ANKRD11: variants seen among roughly 807,000 people sequenced by gnomAD.
The protein encoded by ANKRD11 is ankyrin repeat domain-containing protein 11.
ANKRD11 carries 17 observed loss-of-function variants against 195.7 expected under a neutral mutation model. The ratio of observed to expected loss-of-function variants is 0.09; its 90% CI spans 0.06 to 0.13. The LOEUF (loss-of-function observed/expected upper bound fraction) is 0.13, where lower values mean the gene tolerates loss of function less well. Ranked by LOEUF, ANKRD11 falls within the 10% of genes least tolerant of loss-of-function variation. ANKRD11 has a pLI of 1.00. For synonymous variants in ANKRD11, 1,953 were observed against 1,528.1 expected (o/e 1.28, Z -6.49); for missense variants, 3,735 against 3,566.1 (o/e 1.05, Z -1.21).
chr16:89,330,111 G>T, intron 2 of ANKRD11, among the ~76,000 whole-genome samples: 1 of 152,170 alleles, frequency 6.6e-6, no homozygotes, highest in East Asian at 1.9e-4. Flanking sequence ...AAATATACTT[G>T]AATGACATTA....
intron 2 of ANKRD11, among the ~76,000 whole-genome samples, chr16:89,394,740 C>G (rs1253773938): frequency 1.3e-5 from 2 of 152,094 alleles, no homozygotes; most frequent in Admixed American, 6.6e-5. Flanking sequence ...TGTTTTATGA[C>G]AAAGGCTCCA....
At chr16:89,326,108 A>G (rs1266781808) in intron 2 of ANKRD11, among the ~76,000 whole-genome samples, 1 of 152,254 alleles carries the variant, frequency 6.6e-6, no homozygotes, top group Non-Finnish European at 1.5e-5. Flanking sequence ...CAAGATACAA[A>G]CTAAATGTGA....
At chr16:89,426,549 A>ACACC (rs1313745941) in intron 1 of ANKRD11, among the ~76,000 whole-genome samples, 2 of 151,726 alleles carry the variant, frequency 1.3e-5, no homozygotes. Context: ...ACACACACAC[A>ACACC]CACACACACA....
chr16:89,421,540 A>T (rs2042507846), intron 1 of ANKRD11, among the ~76,000 whole-genome samples: 1 of 107,574 alleles, frequency 9.3e-6, no homozygotes, highest in Admixed American at 8.5e-5. Context: ...CAGGGATGGG[A>T]CCATCACCCG....
intron 2 of ANKRD11, chr16:89,360,809 A>T (rs2071612318): frequency 6.6e-6 from 1 of 152,278 alleles, no homozygotes; most frequent in Admixed American, 6.5e-5. Context: ...AGCCTCCAAG[A>T]AAGATCCAAG....
Position 89,282,998 on chromosome 16 carries a change from T to G in ANKRD11, c.3544A>C (p.Arg1182=). 1 of 1,613,834 alleles carries G rather than the reference T, an allele frequency of 6.2e-7. No individual in the cohort carries two copies. The highest frequency in any genetic ancestry group is 8.5e-7 in the Non-Finnish European group (1 of 1,180,026). The stretch of plus-strand genomic sequence containing the variant: ...GCCCCTCGGTCCTTTCTCCTGTCTC[T>G]GGGCTCCTTGTCCTTCTGCCTCTCA... The part of the protein sequence containing the change: ...HPERQKDKEP[R]DRRKDRGAAD... The change falls in exon 9 of 13, where the codon AGA becomes CGA. Residue 1182 remains arginine, a synonymous_variant. Coordinates refer to ENST00000301030, the MANE Select transcript of ANKRD11 (RefSeq NM_013275.6).
intron 2 of ANKRD11, among the ~76,000 whole-genome samples, chr16:89,411,600 G>T: frequency 6.6e-6 from 1 of 152,050 alleles, no homozygotes; most frequent in Non-Finnish European, 1.5e-5. Context: ...TTTTTGGAGA[G>T]ATGGGGTCTT....
intron 9 of ANKRD11, chr16:89,278,811 A>G: frequency 1.5e-6 from 1 of 658,644 alleles, no homozygotes; most frequent in Non-Finnish European, 2.8e-6. Context: ...ACCGGGGTGC[A>G]CCCAGGGTGA....
intron 1 of ANKRD11, among the ~76,000 whole-genome samples, chr16:89,486,997 A>G (rs2057637834): frequency 6.7e-6 from 1 of 148,180 alleles, no homozygotes; most frequent in Admixed American, 6.9e-5. Context: ...CAACAAAGCG[A>G]GACTCCGTCT....
chr16:89,472,341 G>C (rs2057113292), intron 1 of ANKRD11, among the ~76,000 whole-genome samples: 1 of 151,918 alleles, frequency 6.6e-6, no homozygotes, highest in African/African-American at 2.4e-5. Context: ...CTCTAAGTCA[G>C]GTGCAATATC....
At chr16:89,441,264 T>C (rs1326803136) in intron 1 of ANKRD11, among the ~76,000 whole-genome samples, 3 of 151,624 alleles carry the variant, frequency 2.0e-5, no homozygotes, top group African/African-American at 4.9e-5. Context: ...TCGCTATGCA[T>C]GCGCTAAAAC....
At chr16:89,299,346 G>C (rs1454890698) in intron 4 of ANKRD11, 1 of 225,694 alleles carries the variant, frequency 4.4e-6, no homozygotes, top group African/African-American at 2.4e-5. Flanking sequence ...TGTGGGGTGC[G>C]TGGGGTCTGT....
intron 2 of ANKRD11, among the ~76,000 whole-genome samples, chr16:89,361,995 G>A (rs1433456588): frequency 6.6e-6 from 1 of 152,194 alleles, no homozygotes; most frequent in Non-Finnish European, 1.5e-5. Context: ...GTGGCTCCAG[G>A]CAGGAGGACC....
chr16:89,426,578 C>G lies in ANKRD11; in HGVS notation c.-144-8210G>C, dbSNP rs534419251. 1.6e-4 allele frequency among the ~76,000 whole-genome samples: 23 copies of G among 144,932 alleles called. No homozygotes were observed. The East Asian group carries it at 4.0e-3, about 25-fold the overall frequency. ...ACACACACACACACAAATCTGAAAT[C>G]CTGACCAATGAAGACATAAGACCAA... On this transcript the variant is annotated intron_variant, in intron 1 of 12. Coordinates refer to ENST00000301030, the MANE Select transcript of ANKRD11 (RefSeq NM_013275.6).
At chr16:89,457,832 G>T (rs184693016) in intron 1 of ANKRD11, among the ~76,000 whole-genome samples, 24 of 152,186 alleles carry the variant, frequency 1.6e-4, no homozygotes, top group Non-Finnish European at 2.2e-4. Flanking sequence ...AAAGTATACA[G>T]GTATAAACAT....
chr16:89,472,160 C>T (rs927225868), intron 1 of ANKRD11, among the ~76,000 whole-genome samples: 1 of 152,160 alleles, frequency 6.6e-6, no homozygotes, highest in Admixed American at 6.5e-5. Flanking sequence ...CATCCTTTTT[C>T]TGAGACTGAA....
At chr16:89,290,314 A>G (rs1378996089) in intron 6 of ANKRD11, among the ~76,000 whole-genome samples, 7 of 88,350 alleles carry the variant, frequency 7.9e-5, no homozygotes, top group Admixed American at 1.2e-4. Context: ...CAGGGCTCCA[A>G]TGGGGGGAGG....
At chr16:89,437,947 C>T (rs1207898976) in intron 1 of ANKRD11, among the ~76,000 whole-genome samples, 1 of 152,198 alleles carries the variant, frequency 6.6e-6, no homozygotes, top group Admixed American at 6.5e-5. Flanking sequence ...TTAGTTTCCT[C>T]ATCTGTAGAA....
intron 2 of ANKRD11, among the ~76,000 whole-genome samples, chr16:89,377,579 T>C (rs1290104791): frequency 6.6e-6 from 1 of 152,118 alleles, no homozygotes; most frequent in Admixed American, 6.5e-5. Context: ...CTGGTGGTGA[T>C]GAGTGCTTCT....
Sources: gnomAD v4.1 joint callset for allele counts (sites outside exome capture counted in the v4.1 genomes callset) on GRCh38, gnomAD v4.1.1 for gene constraint, MANE v1.5 for transcripts, NCBI Gene and HGNC (gene_info 2026-07-23, HGNC 2026-07-21) for gene names.